The following CYP7B1 variants were observed in gnomAD, a reference collection of about 807,000 sequenced individuals.
CYP7B1 encodes cytochrome P450 7B1.
Under a neutral mutation model 42.7 loss-of-function variants are expected in CYP7B1, and 29 were observed. The ratio of observed to expected loss-of-function variants is 0.68; its 90% CI spans 0.51 to 0.93. The LOEUF is 0.93. Among genes scored for constraint, CYP7B1 ranks in the 40% least tolerant of loss-of-function variants. The pLI is 0.00. For missense variants in CYP7B1, 655 were observed against 600.5 expected (o/e 1.09, Z -0.95); for synonymous variants, 235 against 218.2 (o/e 1.08, Z -0.68).
At chr8:64,618,801 T>A (rs1386696076) in intron 2 of CYP7B1, among the ~76,000 whole-genome samples, 2 of 152,168 alleles carry the variant, frequency 1.3e-5, no homozygotes. Context: ...GTATATCAGT[T>A]CTTTATAAAA....
In CYP7B1 at chr8:64,766,496, C is replaced by A. The variant is rs6472153; in HGVS notation, c.122+31970G>T. Among the ~76,000 whole-genome samples the A allele has an allele frequency of 6.6e-5, 10 of 150,470 alleles. No homozygotes were observed. In the East Asian group the frequency reaches 1.4e-3, roughly 21 times the overall value. On this transcript the variant is annotated intron_variant, in intron 1 of 5. Transcript: ENST00000310193. ...TATAATAGAGATCAGGAGGAGCAGG[C>A]GGAACGGGACAAACGGGATTAAAAA...
chr8:64,621,924 T>C (rs989173975), intron 2 of CYP7B1, among the ~76,000 whole-genome samples: 3 of 151,120 alleles, frequency 2.0e-5, no homozygotes, highest in Non-Finnish European at 4.4e-5. Flanking sequence ...TTTTTTTTTT[T>C]AGTAGAGATG....
At chr8:64,622,479 C>T (rs1805546376) in intron 2 of CYP7B1, among the ~76,000 whole-genome samples, 1 of 152,160 alleles carries the variant, frequency 6.6e-6, no homozygotes, top group African/African-American at 2.4e-5. Context: ...CATTGTCAAA[C>T]CAGGTAGAGA....
intron 4 of CYP7B1, among the ~76,000 whole-genome samples, chr8:64,611,500 C>A (rs953200605): frequency 6.6e-6 from 1 of 151,956 alleles, no homozygotes; most frequent in Non-Finnish European, 1.5e-5. Flanking sequence ...TTTCTGTATT[C>A]TCCTCCCACA....
intron 1 of CYP7B1, among the ~76,000 whole-genome samples, chr8:64,794,351 GGTGA>G (rs1804671548): frequency 6.6e-6 from 1 of 152,212 alleles, no homozygotes; most frequent in Non-Finnish European, 1.5e-5. Context: ...CCACCACTGG[GGTGA>G]CAGAGTTTAG....
At chr8:64,620,025 C>T (rs1416230441) in intron 2 of CYP7B1, among the ~76,000 whole-genome samples, 2 of 151,886 alleles carry the variant, frequency 1.3e-5, no homozygotes, top group African/African-American at 4.8e-5. Context: ...CTGCAAAAAA[C>T]CTTAAAAAAA....
intron 1 of CYP7B1, among the ~76,000 whole-genome samples, chr8:64,636,576 T>A (rs918669133): frequency 1.3e-5 from 2 of 152,214 alleles, no homozygotes; most frequent in Non-Finnish European, 2.9e-5. Flanking sequence ...TTTTAAAGAT[T>A]TTTTCATTCA....
chr8:64,693,021 C>T (rs957896500), intron 1 of CYP7B1, among the ~76,000 whole-genome samples: 2 of 152,176 alleles, frequency 1.3e-5, no homozygotes, highest in Non-Finnish European at 2.9e-5. Flanking sequence ...GCCAAGTGTC[C>T]CAGCATTAAG....
intron 1 of CYP7B1, among the ~76,000 whole-genome samples, chr8:64,697,878 G>A (rs1255531102): frequency 6.6e-6 from 1 of 152,164 alleles, no homozygotes; most frequent in African/African-American, 2.4e-5. Flanking sequence ...AACAAAACCA[G>A]TTTGTGCTCT....
At chr8:64,665,823 GC>G (rs1394924029) in intron 1 of CYP7B1, among the ~76,000 whole-genome samples, 2 of 151,978 alleles carry the variant, frequency 1.3e-5, no homozygotes, top group Non-Finnish European at 2.9e-5. Flanking sequence ...TGATCCTCCT[GC>G]CTTGGCCTCC....
chr8:64,733,809 A>AT (rs1383688104), intron 1 of CYP7B1, among the ~76,000 whole-genome samples: 3 of 150,980 alleles, frequency 2.0e-5, no homozygotes, highest in Admixed American at 2.0e-4. Flanking sequence ...CATCTCTACA[A>AT]TTTTTTTTTA....
At chr8:64,644,147 C>A (rs1805910920) in intron 1 of CYP7B1, among the ~76,000 whole-genome samples, 1 of 152,050 alleles carries the variant, frequency 6.6e-6, no homozygotes, top group Non-Finnish European at 1.5e-5. Context: ...GTGGTGCACA[C>A]CTGTAGTCCC....
intron 4 of CYP7B1, among the ~76,000 whole-genome samples, chr8:64,608,678 T>TGTGCTCTGGAAGGTGTC (rs977644741): frequency 1.3e-5 from 2 of 151,926 alleles, no homozygotes; most frequent in Non-Finnish European, 2.9e-5. Context: ...ATGGAGGTGG[T>TGTGCTCTGGAAGGTGTC]GTGCTCTGGA....
chr8:64,794,978 G>A (rs940226488), intron 1 of CYP7B1, among the ~76,000 whole-genome samples: 4 of 151,902 alleles, frequency 2.6e-5, no homozygotes, highest in Admixed American at 6.6e-5. Context: ...GTGGAGCAAC[G>A]TAAACCCTCA....
chr8:64,603,448 T>C (rs1165867171), intron 5 of CYP7B1, among the ~76,000 whole-genome samples: 1 of 152,184 alleles, frequency 6.6e-6, no homozygotes, highest in Non-Finnish European at 1.5e-5. Flanking sequence ...ACTAGTGGAA[T>C]AATCACATAA....
intron 1 of CYP7B1, among the ~76,000 whole-genome samples, chr8:64,721,105 C>A (rs1461787459): frequency 6.7e-6 from 1 of 150,066 alleles, no homozygotes; most frequent in Non-Finnish European, 1.5e-5. Context: ...TTTTTTTTTA[C>A]CTATAAAGTC....
At chr8:64,597,032 T>C (rs887957663) in intron 5 of CYP7B1, 103 bp from the exon 6 acceptor site, 190 of 1,043,836 alleles carry the variant, frequency 1.8e-4, no homozygotes, top group Middle Eastern at 2.7e-4. Context: ...AAAGCTCCTT[T>C]TAATCAGGTG....
chr8:64,643,088 TATATATATACACATATATATAC>T (rs1342546171), intron 1 of CYP7B1, among the ~76,000 whole-genome samples: 2 of 109,692 alleles, frequency 1.8e-5, no homozygotes, highest in African/African-American at 4.3e-5. Flanking sequence ...TGTGTGTGTG[TATATATATACACATATATATAC>T]ATATATATAC....
rs190410282 is a variant in CYP7B1 at position 64,614,085 on chromosome 8, G to A, written c.1057+941C>T. 4.8e-3 allele frequency among the ~76,000 whole-genome samples: 738 copies of A among 152,258 alleles called. 2 individuals carry two copies. Among genetic ancestry groups the A allele is most frequent in the Non-Finnish European group, 7.3e-3 (493 of 67,998 alleles). Reference sequence around the variant, plus strand: ...GGAATATTGTACCCTAAAGGATACCGCAGGATGAAATGTCAATACAGAGAG... The same window carrying A: ...GGAATATTGTACCCTAAAGGATACCACAGGATGAAATGTCAATACAGAGAG... On this transcript the variant is annotated intron_variant, in intron 4 of 5. Transcript: ENST00000310193.
Sources: allele counts gnomAD v4.1 joint callset (sites outside exome capture counted in the v4.1 genomes callset), GRCh38; gene constraint gnomAD v4.1.1; transcripts MANE v1.5; gene names NCBI Gene and HGNC (gene_info 2026-07-23, HGNC 2026-07-21).